Variants in AGBL4 observed in about 807,000 individuals in gnomAD.
AGBL4 encodes cytosolic carboxypeptidase 6.
AGBL4 carries 58 observed loss-of-function variants against 66.4 expected under a neutral mutation model. The ratio of observed to expected loss-of-function variants is 0.87; its 90% CI spans 0.71 to 1.09. The LOEUF is 1.09. AGBL4 is among the 50% of genes least tolerant of loss of function. The pLI, the probability that AGBL4 is intolerant of heterozygous loss-of-function variation, is 0.00. For missense variants in AGBL4, 579 were observed against 631.0 expected, an observed-to-expected ratio of 0.92 and a Z score of 0.88; for synonymous variants, 234 against 222.9, an observed-to-expected ratio of 1.05 and a Z score of -0.44.
At chr1:49,334,939 G>A (rs371346734) in intron 3 of AGBL4, among the ~76,000 whole-genome samples, 4 of 152,148 alleles carry the variant, frequency 2.6e-5, no homozygotes, top group Admixed American at 2.6e-4. Context: ...GGGAAGGCTT[G>A]GAGTTCTTGT....
intron 3 of AGBL4, among the ~76,000 whole-genome samples, chr1:49,474,490 C>T (rs1034614095): frequency 6.6e-5 from 10 of 152,008 alleles, no homozygotes; most frequent in Admixed American, 6.6e-5. Context: ...AACAGGACCC[C>T]GATCTCCTGG....
intron 3 of AGBL4, among the ~76,000 whole-genome samples, chr1:49,296,933 C>T (rs1025695065): frequency 5.3e-5 from 8 of 152,196 alleles, no homozygotes; most frequent in African/African-American, 1.9e-4. Flanking sequence ...ACAATAGACT[C>T]CACATTTGAT....
intron 3 of AGBL4, among the ~76,000 whole-genome samples, chr1:49,279,145 G>A (rs1416208137): frequency 6.6e-6 from 1 of 152,160 alleles, no homozygotes; most frequent in Non-Finnish European, 1.5e-5. Flanking sequence ...AGAACACTGA[G>A]ATCTCCCCTT....
At chr1:48,791,046 T>C (rs1451614890) in intron 6 of AGBL4, among the ~76,000 whole-genome samples, 1 of 152,178 alleles carries the variant, frequency 6.6e-6, no homozygotes, top group Non-Finnish European at 1.5e-5. Context: ...TCCAGAACCA[T>C]GAGCCAAATA....
At chr1:48,789,965 A>C (rs185312394) in intron 6 of AGBL4, among the ~76,000 whole-genome samples, 2 of 152,212 alleles carry the variant, frequency 1.3e-5, no homozygotes, top group South Asian at 4.1e-4. Context: ...ATATTTTTCC[A>C]CTTAAGATGT....
chr1:49,251,556 G>A (rs907196448), intron 3 of AGBL4, among the ~76,000 whole-genome samples: 3 of 152,150 alleles, frequency 2.0e-5, no homozygotes, highest in Non-Finnish European at 4.4e-5. Context: ...CCGCATCCCT[G>A]AGCCAACACC....
chr1:48,776,074 TC>T (rs1367546754), intron 6 of AGBL4, among the ~76,000 whole-genome samples: 1 of 152,106 alleles, frequency 6.6e-6, no homozygotes, highest in African/African-American at 2.4e-5. Flanking sequence ...GACAAGGATG[TC>T]ATAGCTTCCC....
intron 3 of AGBL4, among the ~76,000 whole-genome samples, chr1:49,520,018 T>C (rs778186756): frequency 6.6e-6 from 1 of 152,048 alleles, no homozygotes; most frequent in Admixed American, 6.6e-5. Context: ...AGAATGCACA[T>C]ACAAGGTCTT....
chr1:49,821,911 T>G (rs949012971), intron 2 of AGBL4, among the ~76,000 whole-genome samples: 1 of 152,190 alleles, frequency 6.6e-6, no homozygotes, highest in African/African-American at 2.4e-5. Context: ...TTTTTTTAAC[T>G]AATAAACATT....
In AGBL4 at chr1:48,663,238, T is replaced by C; in HGVS notation, c.638A>G (p.Asn213Ser). ...CTTCTGCTCTGCCCCTTCCCGGAGA[T>C]TGTCTGTAAGATAAAATGAAAGATG... ...LDLLTITSPD[N>S]LREGAEQKVV... is the part of the protein sequence containing the mutation. Residue 213 changes from asparagine (N) to serine (S), a missense_variant, in exon 7 of 14, where the codon AAT becomes AGT. Coordinates refer to ENST00000371839, the MANE Select transcript of AGBL4 (RefSeq NM_032785.4). 6.2e-7 allele frequency: 1 copy of C among 1,613,770 alleles called. No homozygotes were observed. Among genetic ancestry groups the C allele is most frequent in the Non-Finnish European group, 8.5e-7 (1 of 1,179,818 alleles).
chr1:49,058,656 G>A (rs1412313407), intron 4 of AGBL4, among the ~76,000 whole-genome samples: 1 of 152,246 alleles, frequency 6.6e-6, no homozygotes, highest in Non-Finnish European at 1.5e-5. Flanking sequence ...GCAGAGGTTG[G>A]AACAGTGTGG....
intron 6 of AGBL4, among the ~76,000 whole-genome samples, chr1:48,758,209 C>T (rs1644049593): frequency 6.6e-6 from 1 of 152,206 alleles, no homozygotes; most frequent in Admixed American, 6.5e-5. Flanking sequence ...CTGCTCAAAG[C>T]TTTCTAATGC....
At chr1:49,934,386 T>C (rs1221934970) in intron 1 of AGBL4, among the ~76,000 whole-genome samples, 1 of 152,208 alleles carries the variant, frequency 6.6e-6, no homozygotes, top group Non-Finnish European at 1.5e-5. Context: ...AGTAGTCATA[T>C]GTGAGGTCAC....
At chr1:48,597,703 GAGGGGAGGAGAGAGGAGGGA>G (rs1409393172) in intron 9 of AGBL4, among the ~76,000 whole-genome samples, 2 of 134,014 alleles carry the variant, frequency 1.5e-5, no homozygotes, top group Non-Finnish European at 3.2e-5. Context: ...GAGAGGAGGG[GAGGGGAGGAGAGAGGAGGGA>G]AGGGGAGGGG....
chr1:48,841,412 C>CA (rs1426156364), intron 6 of AGBL4, among the ~76,000 whole-genome samples: 23 of 65,990 alleles, frequency 3.5e-4, no homozygotes, highest in African/African-American at 6.3e-4. Context: ...CCCCCCCCCC[C>CA]AAAAAAAAAG....
chr1:49,833,069 G>T (rs887715544), intron 2 of AGBL4, among the ~76,000 whole-genome samples: 4 of 151,936 alleles, frequency 2.6e-5, no homozygotes, highest in African/African-American at 9.7e-5. Flanking sequence ...GTCCTTGCCC[G>T]TGCCTATGTC....
chr1:48,870,109 T>C (rs1648502088), intron 5 of AGBL4, among the ~76,000 whole-genome samples: 1 of 152,072 alleles, frequency 6.6e-6, no homozygotes, highest in Admixed American at 6.5e-5. Context: ...AAGATTTCCA[T>C]GAAGTCTTCT....
intron 11 of AGBL4, among the ~76,000 whole-genome samples, chr1:48,569,474 T>C (rs57930617): frequency 0.012 from 1,782 of 152,342 alleles, 39 homozygotes; most frequent in African/African-American, 0.041. Context: ...GATTCCAGCC[T>C]GGTTTCCCTG....
At chr1:48,948,676 A>G (rs1380158063) in intron 5 of AGBL4, among the ~76,000 whole-genome samples, 1 of 152,242 alleles carries the variant, frequency 6.6e-6, no homozygotes, top group African/African-American at 2.4e-5. Context: ...AGCAAAGGTG[A>G]GGCAATGATG....
Sources: gnomAD v4.1 joint callset for allele counts (sites outside exome capture counted in the v4.1 genomes callset) on GRCh38, gnomAD v4.1.1 for gene constraint, MANE v1.5 for transcripts, NCBI Gene and HGNC (gene_info 2026-07-23, HGNC 2026-07-21) for gene names.